The following DHTKD1 variants were observed in gnomAD, a reference collection of about 807,000 sequenced individuals.
DHTKD1 encodes dehydrogenase E1 and transketolase domain containing 1, also known as 2-oxoadipate dehydrogenase complex component E1.
In DHTKD1, 78 loss-of-function variants were observed where a neutral mutation model predicts 101.8. That is an observed-to-expected ratio of 0.77 (90% CI 0.64 to 0.93). The LOEUF (loss-of-function observed/expected upper bound fraction) is 0.93, where lower values mean the gene tolerates loss of function less well. DHTKD1 is among the 40% of genes least tolerant of loss of function. The probability of loss-of-function intolerance (pLI) is 0.00; values close to 1 mark genes in which losing one functional copy is unlikely to be tolerated. For missense variants in DHTKD1, 1,223 were observed against 1,161.7 expected (o/e 1.05, Z -0.77); for synonymous variants, 462 against 450.3 (o/e 1.03, Z -0.33).
Position 12,081,443 on chromosome 10 carries a change from TTGCATTTTTAA to T in DHTKD1, c.155-28_155-18del. 6.2e-7 allele frequency: 1 copy of T among 1,607,018 alleles called. No individual in the cohort carries two copies. The highest frequency in any genetic ancestry group is 1.3e-5 in the African/African-American group (1 of 74,896). On this transcript the variant is annotated intron_variant, in intron 1 of 16. Transcript: ENST00000263035. Reference sequence around the variant, plus strand: ...GATTTGTAGTCATCTCCTAAACTGTTTGCATTTTTAAATTTTCCCCTGATTTAGTTGATCAT... The same window carrying T: ...GATTTGTAGTCATCTCCTAAACTGTTATTTTCCCCTGATTTAGTTGATCAT...
chr10:12,113,300 C>T (rs570544050), intron 13 of DHTKD1, among the ~76,000 whole-genome samples: 23 of 152,196 alleles, frequency 1.5e-4, no homozygotes, highest in Admixed American at 1.1e-3. Context: ...TGGGTTTAAG[C>T]GATTCTCCCG....
intron 11 of DHTKD1, 105 bp downstream of exon 11, chr10:12,106,501 G>A (rs568078729): frequency 6.5e-5 from 92 of 1,423,782 alleles, no homozygotes; most frequent in Admixed American, 3.2e-4. Context: ...TGAGACTCCC[G>A]TGTGCGGCGG....
At chr10:12,119,494 T>A (rs1182898432) in intron 15 of DHTKD1, among the ~76,000 whole-genome samples, 3 of 149,900 alleles carry the variant, frequency 2.0e-5, no homozygotes, top group East Asian at 3.9e-4. Context: ...CGGGCGCCTG[T>A]AGTCCCAGCT....
chr10:12,080,436 G>T (rs1318128218), intron 1 of DHTKD1, among the ~76,000 whole-genome samples: 1 of 152,038 alleles, frequency 6.6e-6, no homozygotes, highest in African/African-American at 2.4e-5. Context: ...ATGTGGGCCA[G>T]GTACATTGGT....
rs952054415 is a variant in DHTKD1 at position 12,113,897 on chromosome 10, G to T, written c.2319+833G>T. Reference sequence around the variant, plus strand: ...ACCATGCCACTACACTCCAGCCTGGGCAACACAGCAAGACATTGTCTGAAA... The same window carrying T: ...ACCATGCCACTACACTCCAGCCTGGTCAACACAGCAAGACATTGTCTGAAA... On this transcript the variant is annotated intron_variant, in intron 13 of 16. Coordinates refer to ENST00000263035, the MANE Select transcript of DHTKD1 (RefSeq NM_018706.7). Among the ~76,000 whole-genome samples the T allele has an allele frequency of 2.6e-5, 4 of 152,112 alleles. No individual in the cohort carries two copies. The East Asian group carries it at 5.8e-4, about 22-fold the overall frequency.
In DHTKD1 at chr10:12,110,387, G is replaced by A. The variant is rs1833312183; in HGVS notation, c.2154+2372G>A. ...TTTTTTACCTTATTAGCCATTGTTAGTGTTAGTGTATTTTATGTGTGGCAC... is the reference window on the plus strand; with the variant it reads ...TTTTTTACCTTATTAGCCATTGTTAATGTTAGTGTATTTTATGTGTGGCAC... On this transcript the variant is annotated intron_variant, in intron 12 of 16. Coordinates refer to ENST00000263035, the MANE Select transcript of DHTKD1 (RefSeq NM_018706.7). This position sits in a 1 kb window ranked among gnomAD's most constrained non-coding sequence, Gnocchi z 4.9. Among the ~76,000 whole-genome samples the A allele has an allele frequency of 6.6e-6, 1 of 151,906 alleles. No individual in the cohort carries two copies. The highest frequency in any genetic ancestry group is 1.5e-5 in the Non-Finnish European group (1 of 67,992).
rs1275219005 is a variant in DHTKD1 at position 12,117,717 on chromosome 10, TA to T, written c.2366del (p.Asn789ThrfsTer29). The T allele has an allele frequency of 6.2e-7, 1 of 1,608,040 alleles. No individual in the cohort carries two copies. Among genetic ancestry groups the T allele is most frequent in the Non-Finnish European group, 8.5e-7 (1 of 1,176,692 alleles). On this transcript the variant is annotated frameshift_variant, in exon 14 of 17. Transcript: ENST00000263035. LOFTEE classifies it high-confidence loss of function. ...AAGAAATGGCACCAGGAACAACATT[TA>T]ACCCGGTCATTGGTGATTCATCTGT... ...LQEMAPGTTF[N>X]PVIGDSSVDP...
intron 4 of DHTKD1, among the ~76,000 whole-genome samples, chr10:12,088,198 C>T (rs1314833374): frequency 2.0e-5 from 3 of 152,146 alleles, no homozygotes; most frequent in Non-Finnish European, 4.4e-5. Flanking sequence ...TGGCTCATAC[C>T]TGCAATCCCA....
Position 12,087,520 on chromosome 10 carries a change from CATG to C in DHTKD1, c.523-11_523-9del, listed in dbSNP as rs1225810072. 6.3e-7 allele frequency: 1 copy of C among 1,577,842 alleles called. No individual in the cohort carries two copies. Among genetic ancestry groups the C allele is most frequent in the Non-Finnish European group, 8.6e-7 (1 of 1,161,052 alleles). On this transcript the variant is annotated splice_polypyrimidine_tract_variant and intron_variant, in intron 3 of 16. Coordinates refer to ENST00000263035, the MANE Select transcript of DHTKD1 (RefSeq NM_018706.7). The surrounding 1 kb of genome is among the most constrained non-coding windows in gnomAD (Gnocchi z 5.2). ...CTGTCTCCTGGCAGCTCACGTCTGA[CATG>C]ATGTTCTGCAGGAGTTTGACCACTT...
At chr10:12,078,493 C>T (rs555411763) in intron 1 of DHTKD1, among the ~76,000 whole-genome samples, 2 of 152,006 alleles carry the variant, frequency 1.3e-5, no homozygotes, top group African/African-American at 4.8e-5. Context: ...GCACCTGCAA[C>T]CCCAGCTACT....
Position 12,087,803 on chromosome 10 carries a change from C to T in DHTKD1, c.717+74C>T. 1 of 1,320,024 alleles carries T rather than the reference C, an allele frequency of 7.6e-7. No individual in the cohort carries two copies. The highest frequency in any genetic ancestry group is 1.0e-6 in the Non-Finnish European group (1 of 982,224). The allele number at this position is 1,320,024 out of a possible 1,614,324, so 81.8% of individuals were successfully genotyped here. A position where few individuals can be genotyped will look rare whatever the true frequency, so the allele number is the denominator to read the frequency against. ...ACAGAATAAAACTGCTGGTTTCATT[C>T]TGGTGATAAATGATGGTGATGGTGA... On this transcript the variant is annotated intron_variant, in intron 4 of 16. Transcript: ENST00000263035. This position sits in a 1 kb window ranked among gnomAD's most constrained non-coding sequence, Gnocchi z 5.2.
intron 2 of DHTKD1, among the ~76,000 whole-genome samples, chr10:12,083,682 C>A (rs1304161287): frequency 6.6e-6 from 1 of 151,876 alleles, no homozygotes; most frequent in Non-Finnish European, 1.5e-5. Flanking sequence ...TGCAGTGAGC[C>A]AAGATCGTGC....
chr10:12,078,801 T>G (rs1347613497), intron 1 of DHTKD1, among the ~76,000 whole-genome samples: 1 of 152,070 alleles, frequency 6.6e-6, no homozygotes, highest in Non-Finnish European at 1.5e-5. Context: ...TGCCTCAGCC[T>G]CCACAGGCAC....
chr10:12,106,030 G>A (rs949603070), intron 10 of DHTKD1, among the ~76,000 whole-genome samples: 3 of 152,168 alleles, frequency 2.0e-5, no homozygotes, highest in Non-Finnish European at 4.4e-5. Context: ...GGGAGGCGGA[G>A]GTTGCAGTGA....
At chr10:12,120,753 A>G (rs2131631105) in intron 16 of DHTKD1, 34 bp from the exon 17 acceptor site, 1 of 1,576,692 alleles carries the variant, frequency 6.3e-7, no homozygotes, top group Admixed American at 1.7e-5. Flanking sequence ...TCTAGTCAAA[A>G]TGTCATTTTA....
chr10:12,069,179 G>GC lies in DHTKD1; in HGVS notation c.152dup (p.Val52SerfsTer2), dbSNP rs1244767140. 4.5e-6 allele frequency: 7 copies of GC among 1,551,072 alleles called. No homozygotes were observed. Among genetic ancestry groups the GC allele is most frequent in the East Asian group, 2.4e-5 (1 of 41,006 alleles). On this transcript the variant is annotated frameshift_variant, in exon 1 of 17. Transcript: ENST00000263035. LOFTEE classifies it high-confidence loss of function. ...CGCGAGCCCCAGGGCGCCCTGGAGC[G>GC]CCCCCCAGGTCGGGGATGGGGCCCG...
intron 6 of DHTKD1, 131 bp downstream of exon 6, chr10:12,091,815 A>G: frequency 1.4e-6 from 1 of 694,426 alleles, no homozygotes; most frequent in East Asian, 3.4e-5. Flanking sequence ...TTAATTAATT[A>G]ATTTTTTGAG....
intron 13 of DHTKD1, among the ~76,000 whole-genome samples, chr10:12,116,915 G>A (rs1309807095): frequency 6.6e-6 from 1 of 151,930 alleles, no homozygotes; most frequent in Non-Finnish European, 1.5e-5. Context: ...TGCCTAGGCT[G>A]GTCTCAAACT....
intron 6 of DHTKD1, among the ~76,000 whole-genome samples, chr10:12,092,461 A>G (rs990582053): frequency 6.6e-6 from 1 of 152,078 alleles, no homozygotes; most frequent in Non-Finnish European, 1.5e-5. Flanking sequence ...GGGCTTAGTG[A>G]TAAGGGATGT....
Sources: allele counts gnomAD v4.1 joint callset (sites outside exome capture counted in the v4.1 genomes callset), GRCh38; gene constraint gnomAD v4.1.1; non-coding constraint Gnocchi (gnomAD v3.1); transcripts MANE v1.5; gene names NCBI Gene and HGNC (gene_info 2026-07-23, HGNC 2026-07-21).